FMN1: variants seen among roughly 807,000 people sequenced by gnomAD.
FMN1 encodes formin-1.
A neutral mutation model predicts 132.4 loss-of-function variants in FMN1; 110 were observed. The observed-to-expected ratio is 0.83, with a 90% CI of 0.71 to 0.97. FMN1 has a LOEUF of 0.97. Ranked by LOEUF, FMN1 falls within the 50% of genes least tolerant of loss-of-function variation. The pLI is 0.00. For missense variants in FMN1, 1,792 were observed against 1,705.3 expected, an observed-to-expected ratio of 1.05 and a Z score of -0.90; for synonymous variants, 722 against 651.7, an observed-to-expected ratio of 1.11 and a Z score of -1.64.
At chr15:32,874,125 G>A (rs138985421) in intron 16 of FMN1, among the ~76,000 whole-genome samples, 2,045 of 149,214 alleles carry the variant, frequency 0.014, 13 homozygotes, top group Non-Finnish European at 0.022. Context: ...GGGTTCAAGC[G>A]ATTCTCCTGC....
chr15:32,877,233 G>A (rs977012568), intron 16 of FMN1, among the ~76,000 whole-genome samples: 2 of 151,614 alleles, frequency 1.3e-5, no homozygotes, highest in Admixed American at 1.3e-4. Context: ...GTTGCAGTGA[G>A]CCGAGATTGT....
rs145131988 is a variant in FMN1, at chr15:33,128,735, G to C, written c.1867+24313C>G. Among the ~76,000 whole-genome samples, 331 of 152,324 alleles carry C rather than the reference G, an allele frequency of 2.2e-3. 1 individual carries two copies. Among genetic ancestry groups the C allele is most frequent in the African/African-American group, 7.3e-3 (304 of 41,578 alleles). ...ACGGTAAGTGTGACAGCTCTTAAAG[G>C]TGATGTGGTGAATTTTAAAGCCCTT... is the stretch of plus-strand genomic sequence containing the variant. On this transcript the variant is annotated intron_variant, in intron 4 of 20. Coordinates refer to ENST00000616417, the MANE Select transcript of FMN1 (RefSeq NM_001277313.2).
At position 32,968,713 on chromosome 15, in the gene FMN1, C is replaced by A. The variant is rs1340060454; in HGVS notation, c.2987+1G>T. 6.2e-7 allele frequency: 1 copy of A among 1,613,320 alleles called. No individual in the cohort carries two copies. Among genetic ancestry groups the A allele is most frequent in the Admixed American group, 1.7e-5 (1 of 59,980 alleles). ...TGAGAATGGGATAGGGGAGAACTTACCTCCTATCACTTATTTGTATCCTAG... is the reference window on the plus strand; with the variant it reads ...TGAGAATGGGATAGGGGAGAACTTAACTCCTATCACTTATTTGTATCCTAG... On this transcript the variant is annotated splice_donor_variant, in intron 8 of 20. Transcript: ENST00000616417. LOFTEE classifies it high-confidence loss of function.
chr15:33,180,537 T>A (rs917715167), intron 2 of FMN1, among the ~76,000 whole-genome samples: 1 of 152,106 alleles, frequency 6.6e-6, no homozygotes, highest in African/African-American at 2.4e-5. Flanking sequence ...TTGAAGAGTT[T>A]CCAGGATTCA....
At chr15:33,076,661 T>G (rs931507057) in intron 5 of FMN1, among the ~76,000 whole-genome samples, 2 of 152,182 alleles carry the variant, frequency 1.3e-5, no homozygotes, top group African/African-American at 4.8e-5. Flanking sequence ...TTAATTGCAT[T>G]TGACAGATTA....
Position 32,804,342 on chromosome 15 carries a change from A to G in FMN1, c.3929-10T>C, listed in dbSNP as rs146936281. ...TTATGCTCTTTTTTGGCTGTAAAAG[A>G]TAAATCATGATTAAAAATTTTTTCT... is the stretch of plus-strand genomic sequence containing the variant. On this transcript the variant is annotated splice_polypyrimidine_tract_variant and intron_variant, in intron 17 of 20. Coordinates refer to ENST00000616417, the MANE Select transcript of FMN1 (RefSeq NM_001277313.2). The G allele has an allele frequency of 1.9e-3, 2,919 of 1,547,090 alleles. 15 individuals carry two copies. The African/African-American group carries it at 0.021, about 11-fold the overall frequency.
At chr15:32,907,754 C>T (rs1427753232) in intron 12 of FMN1, among the ~76,000 whole-genome samples, 2 of 85,640 alleles carry the variant, frequency 2.3e-5, no homozygotes, top group African/African-American at 7.1e-5. Context: ...AAAAGAGGCC[C>T]TCTGAACCTG....
chr15:33,097,717 A>AT (rs1416773309), intron 4 of FMN1, among the ~76,000 whole-genome samples: 5 of 152,294 alleles, frequency 3.3e-5, no homozygotes, highest in Admixed American at 3.3e-4. Context: ...ACATGCCTAC[A>AT]TTTTCATTAT....
intron 4 of FMN1, among the ~76,000 whole-genome samples, chr15:33,132,819 C>T (rs1390952303): frequency 6.6e-6 from 1 of 152,132 alleles, no homozygotes; most frequent in African/African-American, 2.4e-5. Context: ...ACATGCCTGC[C>T]TGGACCTGTA....
At chr15:33,070,866 T>C (rs1161826743) in intron 5 of FMN1, among the ~76,000 whole-genome samples, 5 of 152,194 alleles carry the variant, frequency 3.3e-5, no homozygotes, top group Non-Finnish European at 5.9e-5. Flanking sequence ...GTTGTTATTA[T>C]TATTATTCTC....
intron 9 of FMN1, among the ~76,000 whole-genome samples, chr15:32,959,458 T>TA (rs2030251595): frequency 6.6e-6 from 1 of 152,148 alleles, no homozygotes; most frequent in Non-Finnish European, 1.5e-5. Flanking sequence ...CTTTAAAACT[T>TA]AAAACCTCAG....
intron 9 of FMN1, among the ~76,000 whole-genome samples, chr15:32,954,802 T>TG (rs1199391826): frequency 1.3e-5 from 2 of 152,260 alleles, no homozygotes; most frequent in Admixed American, 6.5e-5. Context: ...GGTCAGTAGT[T>TG]GGAGACTAGC....
chr15:32,790,426 G>A (rs2057035174), intron 19 of FMN1, among the ~76,000 whole-genome samples: 1 of 152,212 alleles, frequency 6.6e-6, no homozygotes. Flanking sequence ...AGAGGATGGT[G>A]AAGCCAAGGC....
At chr15:32,982,524 T>TAGTC (rs1195793896) in intron 7 of FMN1, among the ~76,000 whole-genome samples, 1 of 152,194 alleles carries the variant, frequency 6.6e-6, no homozygotes, top group African/African-American at 2.4e-5. Context: ...TGTATCAACT[T>TAGTC]GACTGACCCC....
intron 18 of FMN1, 112 bp downstream of exon 18, chr15:32,804,169 G>A: frequency 2.6e-6 from 2 of 775,756 alleles, no homozygotes; most frequent in South Asian, 1.7e-5. Flanking sequence ...AGTTGGGGAA[G>A]TAAAAATGTT....
chr15:32,934,941 G>A (rs1353491730), intron 9 of FMN1, among the ~76,000 whole-genome samples: 1 of 125,018 alleles, frequency 8.0e-6, no homozygotes, highest in African/African-American at 3.3e-5. Flanking sequence ...TTTTTTTTTT[G>A]AGACACAGTC....
intron 4 of FMN1, among the ~76,000 whole-genome samples, chr15:33,099,739 T>C (rs1201710875): frequency 2.6e-5 from 4 of 152,204 alleles, no homozygotes; most frequent in Non-Finnish European, 5.9e-5. Flanking sequence ...CCCATTTATG[T>C]TTCCAATAAT....
At chr15:33,070,166 C>T (rs141087067) in intron 5 of FMN1, among the ~76,000 whole-genome samples, 5,655 of 151,488 alleles carry the variant, frequency 0.037, 362 homozygotes, top group African/African-American at 0.13. Context: ...CTAGCACACC[C>T]GGCTAATTTT....
chr15:33,088,783 C>T lies in FMN1; in HGVS notation c.2043+16G>A, dbSNP rs775935180. On this transcript the variant is annotated intron_variant, in intron 5 of 20. Coordinates refer to ENST00000616417, the MANE Select transcript of FMN1 (RefSeq NM_001277313.2). ...CCACAAAGAACCACAGCACAATCAC[C>T]AAGATTTCTACTTACATGGAGATCC... The T allele has an allele frequency of 1.3e-6, 2 of 1,531,176 alleles. No homozygotes were observed. The highest frequency in any genetic ancestry group is 2.4e-5 in the East Asian group (1 of 40,854). 94.8% of individuals were successfully genotyped at this position (1,531,176 alleles called of 1,614,324 possible). A position where few individuals can be genotyped will look rare whatever the true frequency, so the allele number is the denominator to read the frequency against.
Sources: gnomAD v4.1 joint callset for allele counts (sites outside exome capture counted in the v4.1 genomes callset) on GRCh38, gnomAD v4.1.1 for gene constraint, MANE v1.5 for transcripts, NCBI Gene and HGNC (gene_info 2026-07-23, HGNC 2026-07-21) for gene names.